The following PBRM1 variants were observed in gnomAD, a reference collection of about 807,000 sequenced individuals.
The protein encoded by PBRM1 is protein polybromo-1.
In PBRM1, 27 loss-of-function variants were observed where a neutral mutation model predicts 194.5. The ratio of observed to expected loss-of-function variants is 0.14; its 90% CI spans 0.10 to 0.19. The LOEUF (loss-of-function observed/expected upper bound fraction) is 0.19. Among genes scored for constraint, PBRM1 ranks in the 10% least tolerant of loss-of-function variants. PBRM1 has a pLI of 1.00. For missense variants in PBRM1, 1,466 were observed against 2,077.2 expected (o/e 0.71, Z 5.72); for synonymous variants, 655 against 693.2 (o/e 0.94, Z 0.87).
At chr3:52,648,696 A>C (rs963314867) in intron 6 of PBRM1, among the ~76,000 whole-genome samples, 1 of 152,256 alleles carries the variant, frequency 6.6e-6, no homozygotes, top group Non-Finnish European at 1.5e-5. Context: ...CAATTTTTAA[A>C]AAGTCAAATA....
intron 20 of PBRM1, among the ~76,000 whole-genome samples, chr3:52,581,684 C>T (rs982806045): frequency 4.6e-5 from 7 of 150,900 alleles, no homozygotes; most frequent in Non-Finnish European, 8.9e-5. Flanking sequence ...TGTCTCCAGG[C>T]TGGAGTGCAG....
At chr3:52,643,300 G>A (rs1342451247) in exon 9 of PBRM1, 1 of 1,613,782 alleles carries the variant, frequency 6.2e-7, no homozygotes, top group East Asian at 2.2e-5. Flanking sequence ...CCTTTACTGT[G>A]TGAAGGACCT....
At chr3:52,550,943 G>A in intron 27 of PBRM1, 126 bp from the exon 30 acceptor site, 1 of 621,976 alleles carries the variant, frequency 1.6e-6, no homozygotes, top group South Asian at 2.1e-5. Flanking sequence ...GAATCTTTGT[G>A]GCTAGGAATC....
intron 6 of PBRM1, among the ~76,000 whole-genome samples, chr3:52,651,434 A>C (rs527545131): frequency 6.6e-6 from 1 of 152,274 alleles, no homozygotes; most frequent in Non-Finnish European, 1.5e-5. Context: ...AATTTCATGT[A>C]CCCCATAAAT....
chr3:52,567,348 G>A (rs936427052), intron 22 of PBRM1, among the ~76,000 whole-genome samples: 1 of 151,906 alleles, frequency 6.6e-6, no homozygotes, highest in Non-Finnish European at 1.5e-5. Flanking sequence ...TTGCACGTAG[G>A]TGAATACATC....
At chr3:52,648,635 T>G (rs1381683316) in intron 6 of PBRM1, among the ~76,000 whole-genome samples, 193 bp from the exon 8 acceptor site, 1 of 152,224 alleles carries the variant, frequency 6.6e-6, no homozygotes, top group Non-Finnish European at 1.5e-5. Flanking sequence ...AAGTAAGTTT[T>G]TGAGATAGGT....
intron 10 of PBRM1, among the ~76,000 whole-genome samples, chr3:52,635,950 G>A (rs2095792913): frequency 1.3e-5 from 2 of 152,090 alleles, no homozygotes; most frequent in South Asian, 2.1e-4. Flanking sequence ...TGCAACCTCC[G>A]CCTCCTGAGT....
intron 4 of PBRM1, among the ~76,000 whole-genome samples, chr3:52,660,006 G>C (rs1431943608): frequency 6.6e-6 from 1 of 152,206 alleles, no homozygotes; most frequent in Admixed American, 6.5e-5. Flanking sequence ...CAGAAGAATC[G>C]TTTGAACCCA....
intron 5 of PBRM1, among the ~76,000 whole-genome samples, chr3:52,652,360 G>A (rs1489935806): frequency 6.6e-6 from 1 of 150,670 alleles, no homozygotes; most frequent in African/African-American, 2.4e-5. Flanking sequence ...CTCCAGCCTG[G>A]GGGACAAGAA....
chr3:52,591,951 C>G (rs1211809277), intron 17 of PBRM1, among the ~76,000 whole-genome samples: 4 of 139,014 alleles, frequency 2.9e-5, no homozygotes, highest in Admixed American at 2.2e-4. Context: ...CTCAGCCTCC[C>G]AAGTAGCTGG....
At chr3:52,577,135 G>C (rs543431100) in intron 21 of PBRM1, among the ~76,000 whole-genome samples, 6 of 152,194 alleles carry the variant, frequency 3.9e-5, no homozygotes, top group African/African-American at 1.2e-4. Context: ...TGAAGGTCAA[G>C]ATCTAATATC....
intron 14 of PBRM1, among the ~76,000 whole-genome samples, chr3:52,616,448 C>T (rs561536654): frequency 1.1e-4 from 16 of 152,274 alleles, no homozygotes; most frequent in Non-Finnish European, 2.2e-4. Flanking sequence ...AATCCCAGAA[C>T]TTTGGGAGGC....
upstream of PBRM1, among the ~76,000 whole-genome samples, chr3:52,680,027 A>T (rs2097175944): frequency 6.6e-6 from 1 of 152,134 alleles, no homozygotes; most frequent in Admixed American, 6.5e-5. Context: ...AGAGTTTCCC[A>T]ACCTATATGT....
intron 17 of PBRM1, among the ~76,000 whole-genome samples, chr3:52,602,788 T>G (rs924978506): frequency 6.6e-6 from 1 of 152,192 alleles, no homozygotes; most frequent in African/African-American, 2.4e-5. Context: ...ATTACTATTC[T>G]CACCAACCAA....
chr3:52,650,877 C>G (rs1241262633), intron 6 of PBRM1, among the ~76,000 whole-genome samples: 1 of 152,152 alleles, frequency 6.6e-6, no homozygotes, highest in Non-Finnish European at 1.5e-5. Flanking sequence ...TTTCCCTATA[C>G]TTTCCCTTAC....
chr3:52,551,003 C>A (rs1206466599), intron 27 of PBRM1, among the ~76,000 whole-genome samples, 186 bp from the exon 30 acceptor site: 1 of 152,178 alleles, frequency 6.6e-6, no homozygotes, highest in South Asian at 2.1e-4. Context: ...TTTCTAGGTA[C>A]TTAAAGTATA....
At chr3:52,653,276 T>C (rs1363705012) in intron 5 of PBRM1, among the ~76,000 whole-genome samples, 2 of 152,142 alleles carry the variant, frequency 1.3e-5, no homozygotes, top group Non-Finnish European at 2.9e-5. Flanking sequence ...AAAATACCTT[T>C]TGAATGAAAC....
intron 5 of PBRM1, among the ~76,000 whole-genome samples, chr3:52,655,818 G>T (rs1202231863): frequency 6.6e-6 from 1 of 152,178 alleles, no homozygotes; most frequent in South Asian, 2.1e-4. Context: ...GCCAATGACT[G>T]ATGAGGAAAG....
intron 26 of PBRM1, 63 bp from the exon 29 acceptor site, chr3:52,554,942 C>T: frequency 7.2e-7 from 1 of 1,379,760 alleles, no homozygotes; most frequent in East Asian, 2.3e-5. Flanking sequence ...TAAGTAATAA[C>T]AACCAACCCC....
Sources: allele counts gnomAD v4.1 joint callset (sites outside exome capture counted in the v4.1 genomes callset), GRCh38; gene constraint gnomAD v4.1.1; transcripts MANE v1.5; gene names NCBI Gene and HGNC (gene_info 2026-07-23, HGNC 2026-07-21).